Variants in PCDH9 observed in about 807,000 individuals in gnomAD.
PCDH9 encodes protocadherin-9.
Under a neutral mutation model 70.6 loss-of-function variants are expected in PCDH9, and 24 were observed. The observed-to-expected ratio is 0.34, with a 90% CI of 0.25 to 0.48. The LOEUF (loss-of-function observed/expected upper bound fraction) is 0.48, where lower values mean the gene tolerates loss of function less well. PCDH9 is among the 20% of genes least tolerant of loss of function. The pLI, the probability that PCDH9 is intolerant of heterozygous loss-of-function variation, is 0.99. For missense variants in PCDH9, 1,281 were observed against 1,503.6 expected (o/e 0.85, Z 2.45); for synonymous variants, 562 against 558.5 (o/e 1.01, Z -0.09).
chr13:66,403,875 T>A (rs1016859273), intron 4 of PCDH9, among the ~76,000 whole-genome samples: 12 of 152,076 alleles, frequency 7.9e-5, no homozygotes, highest in Non-Finnish European at 1.6e-4. Context: ...ACTAACGGAC[T>A]ACAGTAATAA....
At chr13:66,413,859 A>G (rs1317880314) in intron 4 of PCDH9, among the ~76,000 whole-genome samples, 1 of 152,076 alleles carries the variant, frequency 6.6e-6, no homozygotes, top group Admixed American at 6.6e-5. Flanking sequence ...GACCAGCAAA[A>G]AATGTATGGC....
intron 4 of PCDH9, among the ~76,000 whole-genome samples, chr13:66,542,097 G>C (rs541004170): frequency 2.0e-5 from 3 of 152,100 alleles, no homozygotes; most frequent in Non-Finnish European, 4.4e-5. Context: ...AGCCTTTAAA[G>C]GAGACAATGT....
intron 4 of PCDH9, among the ~76,000 whole-genome samples, chr13:66,613,753 A>G (rs1177722768): frequency 6.5e-4 from 18 of 27,896 alleles, no homozygotes; most frequent in Non-Finnish European, 2.8e-3. Flanking sequence ...CGATGTCTGT[A>G]AAAAGAGCTC....
At chr13:66,403,644 T>C (rs2138301476) in intron 4 of PCDH9, among the ~76,000 whole-genome samples, 1 of 152,170 alleles carries the variant, frequency 6.6e-6, no homozygotes, top group South Asian at 2.1e-4. Flanking sequence ...ATTTAGTATA[T>C]TATAATTTAA....
At chr13:67,031,697 A>C (rs2084910491) in intron 2 of PCDH9, among the ~76,000 whole-genome samples, 1 of 152,214 alleles carries the variant, frequency 6.6e-6, no homozygotes, top group Non-Finnish European at 1.5e-5. Context: ...TAATAAAAAT[A>C]ATAATCACAT....
intron 2 of PCDH9, among the ~76,000 whole-genome samples, chr13:67,091,007 T>C (rs1594498226): frequency 1.3e-5 from 2 of 152,198 alleles, no homozygotes; most frequent in East Asian, 1.9e-4. Flanking sequence ...TGTGTTATTA[T>C]TTTTAGAACT....
intron 3 of PCDH9, among the ~76,000 whole-genome samples, chr13:66,644,879 T>C (rs982462923): frequency 1.3e-5 from 2 of 152,096 alleles, no homozygotes; most frequent in Admixed American, 1.3e-4. Flanking sequence ...TTCAGAGAGC[T>C]AACTTCATGA....
chr13:67,011,052 T>A (rs558587417), intron 2 of PCDH9, among the ~76,000 whole-genome samples: 1 of 152,104 alleles, frequency 6.6e-6, no homozygotes, highest in Non-Finnish European at 1.5e-5. Context: ...ATGTATGACA[T>A]GGTGGCAATA....
At chr13:66,623,382 A>C (rs189960769) in intron 4 of PCDH9, among the ~76,000 whole-genome samples, 1 of 152,188 alleles carries the variant, frequency 6.6e-6, no homozygotes, top group South Asian at 2.1e-4. Flanking sequence ...CTGTGGAGTC[A>C]GACACTCCTG....
At chr13:66,854,214 T>C (rs1225046370) in intron 3 of PCDH9, among the ~76,000 whole-genome samples, 2 of 152,196 alleles carry the variant, frequency 1.3e-5, no homozygotes, top group East Asian at 1.9e-4. Flanking sequence ...TGTAGTTGTA[T>C]GACCTTAGTT....
intron 4 of PCDH9, among the ~76,000 whole-genome samples, chr13:66,615,829 T>TGA (rs2077348723): frequency 1.3e-5 from 2 of 152,242 alleles, no homozygotes; most frequent in African/African-American, 4.8e-5. Context: ...CATACTCCTA[T>TGA]GAACAAAATT....
At chr13:66,733,404 C>T (rs375541148) in intron 3 of PCDH9, among the ~76,000 whole-genome samples, 5 of 152,122 alleles carry the variant, frequency 3.3e-5, no homozygotes, top group African/African-American at 1.2e-4. Flanking sequence ...CCTTCCTCCA[C>T]ACTAATTATT....
At chr13:67,157,486 C>T (rs2087844829) in intron 2 of PCDH9, among the ~76,000 whole-genome samples, 1 of 152,104 alleles carries the variant, frequency 6.6e-6, no homozygotes, top group Non-Finnish European at 1.5e-5. Flanking sequence ...AGCTTAAAAA[C>T]ATTTCATTTT....
intron 3 of PCDH9, among the ~76,000 whole-genome samples, chr13:66,654,898 TG>T (rs1242612078): frequency 1.3e-5 from 2 of 151,824 alleles, no homozygotes; most frequent in African/African-American, 4.8e-5. Context: ...TTTTTGTTTT[TG>T]TTTTTTTGTA....
intron 2 of PCDH9, among the ~76,000 whole-genome samples, chr13:66,952,215 T>C (rs2139704499): frequency 6.6e-6 from 1 of 152,296 alleles, no homozygotes; most frequent in Middle Eastern, 3.4e-3. Context: ...GCACAATGCA[T>C]TGTGGAAGGC....
chr13:67,122,221 A>G (rs1434444007), intron 2 of PCDH9, among the ~76,000 whole-genome samples: 4 of 152,188 alleles, frequency 2.6e-5, no homozygotes, highest in African/African-American at 9.6e-5. Context: ...ATGCCTAGCC[A>G]TGATTAAATA....
intron 2 of PCDH9, among the ~76,000 whole-genome samples, chr13:67,117,147 G>A (rs142063880): frequency 6.6e-6 from 1 of 152,274 alleles, no homozygotes; most frequent in African/African-American, 2.4e-5. Context: ...AATTTGACAG[G>A]TTATAGATAA....
chr13:67,199,129 A>G (rs913367869), intron 2 of PCDH9, among the ~76,000 whole-genome samples: 1 of 151,522 alleles, frequency 6.6e-6, no homozygotes, highest in Non-Finnish European at 1.5e-5. Context: ...TGCTTGGATC[A>G]TTTTCAATCT....
At chr13:66,349,898 C>T (rs1956267807) in intron 4 of PCDH9, among the ~76,000 whole-genome samples, 1 of 152,178 alleles carries the variant, frequency 6.6e-6, no homozygotes, top group African/African-American at 2.4e-5. Flanking sequence ...AAATTTTTGA[C>T]TTTATAGATA....
Sources: gnomAD v4.1 joint callset for allele counts (sites outside exome capture counted in the v4.1 genomes callset) on GRCh38, gnomAD v4.1.1 for gene constraint, MANE v1.5 for transcripts, NCBI Gene and HGNC (gene_info 2026-07-23, HGNC 2026-07-21) for gene names.